Variants in SYTL5 observed in about 807,000 individuals in gnomAD.
SYTL5 encodes synaptotagmin-like protein 5.
A neutral mutation model predicts 55.9 loss-of-function variants in SYTL5; 34 were observed. The observed-to-expected ratio is 0.61, with a 90% CI of 0.46 to 0.81. SYTL5 has a LOEUF of 0.81. Ranked by LOEUF, SYTL5 falls within the 30% of genes least tolerant of loss-of-function variation. The pLI is 0.00. For synonymous variants in SYTL5, 221 were observed against 188.7 expected (o/e 1.17, Z -1.40); for missense variants, 637 against 546.7 (o/e 1.17, Z -1.65).
intron 15 of SYTL5, among the ~76,000 whole-genome samples, chrX:38,122,700 C>T (rs2147717003): frequency 8.9e-6 from 1 of 112,166 alleles, no homozygotes; most frequent in South Asian, 3.7e-4. Flanking sequence ...AGACCACCTG[C>T]TAGGCATTTG....
At chrX:38,025,857 G>T (rs1027183312) in intron 1 of SYTL5, among the ~76,000 whole-genome samples, 1 of 112,166 alleles carries the variant, frequency 8.9e-6, no homozygotes, top group Non-Finnish European at 1.9e-5. Flanking sequence ...CAGTCCAGAT[G>T]CTGGTCTTCA....
At chrX:38,037,750 T>G (rs1337718962) in intron 2 of SYTL5, among the ~76,000 whole-genome samples, 1 of 110,870 alleles carries the variant, frequency 9.0e-6, no homozygotes, top group Non-Finnish European at 1.9e-5. Flanking sequence ...TTTAGCGCAG[T>G]GGGTCTGCAT....
chrX:38,099,189 C>T (rs1200034007), intron 9 of SYTL5, among the ~76,000 whole-genome samples: 1 of 110,648 alleles, frequency 9.0e-6, no homozygotes. Context: ...AAATTAGCAG[C>T]AAGGAAAATA....
intron 2 of SYTL5, among the ~76,000 whole-genome samples, chrX:38,051,265 C>A (rs182173819): frequency 8.9e-4 from 99 of 111,438 alleles, no homozygotes; most frequent in Non-Finnish European, 1.2e-3. Context: ...GTATAAATTT[C>A]ATTAAAAATA....
At chrX:38,084,250 C>A (rs768001486) in intron 6 of SYTL5, among the ~76,000 whole-genome samples, 1 of 112,318 alleles carries the variant, frequency 8.9e-6, no homozygotes, top group Non-Finnish European at 1.9e-5. Flanking sequence ...GTGGTACACA[C>A]AGGGAGGGCA....
chrX:37,906,907 A>T, the SYTL5 span, among the ~76,000 whole-genome samples: 1 of 112,086 alleles, frequency 8.9e-6, no homozygotes, highest in Non-Finnish European at 1.9e-5. Flanking sequence ...TTCTCCTCTA[A>T]GGTTAGGGAC....
chrX:37,967,717 T>G, the SYTL5 span, among the ~76,000 whole-genome samples: 1 of 111,147 alleles, frequency 9.0e-6, no homozygotes, highest in Non-Finnish European at 1.9e-5. Context: ...TGTTGTCTCA[T>G]AAGTCTCTTA....
At chrX:38,099,828 A>T (rs765209936) in intron 9 of SYTL5, among the ~76,000 whole-genome samples, 8 of 111,569 alleles carry the variant, frequency 7.2e-5, no homozygotes, top group Non-Finnish European at 1.3e-4. Flanking sequence ...TATTGAGATG[A>T]TCATATGGGT....
chrX:38,002,373 A>G (rs761385044), upstream of SYTL5, among the ~76,000 whole-genome samples: 10 of 111,922 alleles, frequency 8.9e-5, no homozygotes, highest in South Asian at 3.4e-3. Flanking sequence ...TCCTTTGGGT[A>G]TATATCCAGT....
At chrX:38,112,852 C>T (rs1937390932) in intron 13 of SYTL5, among the ~76,000 whole-genome samples, 3 of 111,978 alleles carry the variant, frequency 2.7e-5, no homozygotes, top group Non-Finnish European at 5.6e-5. Flanking sequence ...GTAGTATGAG[C>T]AGCCTTGGAG....
At chrX:38,034,035 C>A in intron 2 of SYTL5, 27 bp downstream of exon 2, 1 of 905,873 alleles carries the variant, frequency 1.1e-6, no homozygotes, top group Non-Finnish European at 1.5e-6. Context: ...TTTTTCAGTC[C>A]TCCTTGACTG....
intron 7 of SYTL5, among the ~76,000 whole-genome samples, chrX:38,092,975 A>G (rs185369784): frequency 8.9e-6 from 1 of 112,013 alleles, no homozygotes; most frequent in East Asian, 2.8e-4. Context: ...AAAACTTGCC[A>G]TTAACATAAT....
intron 1 of SYTL5, among the ~76,000 whole-genome samples, chrX:38,030,552 A>G (rs1569160929): frequency 8.9e-6 from 1 of 112,340 alleles, no homozygotes; most frequent in Non-Finnish European, 1.9e-5. Context: ...TGTCTTCTGA[A>G]CTTTACCAAA....
At chrX:38,016,259 CA>C (rs1361205539) in intron 1 of SYTL5, among the ~76,000 whole-genome samples, 1 of 111,639 alleles carries the variant, frequency 9.0e-6, no homozygotes, top group African/African-American at 3.3e-5. Context: ...GCTCTTGGCG[CA>C]AAAAGTCTAA....
the SYTL5 span, among the ~76,000 whole-genome samples, chrX:37,920,399 C>A: frequency 9.1e-6 from 1 of 110,314 alleles, no homozygotes; most frequent in African/African-American, 3.3e-5. Flanking sequence ...TTTCCTCCTA[C>A]ACCTCTCACT....
intron 9 of SYTL5, 126 bp downstream of exon 9, chrX:38,096,360 C>T: frequency 1.4e-5 from 5 of 359,964 alleles, no homozygotes; most frequent in Middle Eastern, 7.9e-4. Flanking sequence ...TCATCTCTTC[C>T]TGTTAGTCTT....
chrX:37,946,486 T>A, the SYTL5 span: 1 of 242,612 alleles, frequency 4.1e-6, no homozygotes, highest in South Asian at 5.1e-5. Context: ...GGAACTGGAT[T>A]TTTCATTGGA....
At chrX:37,962,208 TG>T in the SYTL5 span, among the ~76,000 whole-genome samples, 1 of 111,292 alleles carries the variant, frequency 9.0e-6, no homozygotes, top group Non-Finnish European at 1.9e-5. Context: ...TATCTCCTAA[TG>T]CTATCCCTCC....
chrX:38,035,496 CG>C (rs1438920918), intron 2 of SYTL5, among the ~76,000 whole-genome samples: 1 of 107,123 alleles, frequency 9.3e-6, no homozygotes, highest in Non-Finnish European at 1.9e-5. Flanking sequence ...GAGGCTGAGG[CG>C]GGAGAATGGC....
Sources: allele counts gnomAD v4.1 joint callset (sites outside exome capture counted in the v4.1 genomes callset), GRCh38; gene constraint gnomAD v4.1.1; transcripts MANE v1.5; gene names NCBI Gene and HGNC (gene_info 2026-07-23, HGNC 2026-07-21).